The following SLC22A24 variants were observed in gnomAD, a reference collection of about 807,000 sequenced individuals.
The protein encoded by SLC22A24 is solute carrier family 22 member 24, also known as steroid transmembrane transporter SLC22A24.
Under a neutral mutation model 49.8 loss-of-function variants are expected in SLC22A24, and 53 were observed. The ratio of observed to expected loss-of-function variants is 1.06; its 90% CI spans 0.85 to 1.34. The LOEUF (loss-of-function observed/expected upper bound fraction) is 1.34, where lower values mean the gene tolerates loss of function less well. Ranked by LOEUF, SLC22A24 falls within the 40% of genes most tolerant of loss-of-function variation. SLC22A24 has a pLI of 0.00. For missense variants in SLC22A24, 786 were observed against 675.9 expected (o/e 1.16, Z -1.81); for synonymous variants, 302 against 256.4 (o/e 1.18, Z -1.70).
intron 2 of SLC22A24, among the ~76,000 whole-genome samples, chr11:63,127,821 T>C (rs936980264): frequency 1.5e-4 from 23 of 151,976 alleles, no homozygotes; most frequent in African/African-American, 5.3e-4. Context: ...TTTTTGATTT[T>C]TTTTTGTAAA....
intron 2 of SLC22A24, among the ~76,000 whole-genome samples, chr11:63,122,892 T>C (rs1342654931): frequency 1.3e-5 from 2 of 152,186 alleles, no homozygotes; most frequent in South Asian, 2.1e-4. Flanking sequence ...TCAATACTTA[T>C]AATGTACAGT....
At chr11:63,117,769 G>A (rs1438117146) in intron 4 of SLC22A24, among the ~76,000 whole-genome samples, 1 of 152,092 alleles carries the variant, frequency 6.6e-6, no homozygotes, top group African/African-American at 2.4e-5. Flanking sequence ...CAGAATATGT[G>A]TTAATAACTG....
chr11:63,119,100 T>C lies in SLC22A24; in HGVS notation c.662-20A>G. The C allele has an allele frequency of 6.5e-7, 1 of 1,533,448 alleles. No homozygotes were observed. The highest frequency in any genetic ancestry group is 8.8e-7 in the Non-Finnish European group (1 of 1,137,192). 95.0% of individuals were successfully genotyped at this position (1,533,448 alleles called of 1,614,324 possible). On this transcript the variant is annotated intron_variant, in intron 3 of 9. Transcript: ENST00000612278. Reference sequence around the variant, plus strand: ...CTAAGCCTGGAAGAAAACATATACATAGTAATAATTTTAGACAAATGGTAA... The same window carrying C: ...CTAAGCCTGGAAGAAAACATATACACAGTAATAATTTTAGACAAATGGTAA...
intron 4 of SLC22A24, among the ~76,000 whole-genome samples, chr11:63,110,963 C>T (rs985615600): frequency 2.0e-5 from 3 of 151,964 alleles, no homozygotes; most frequent in African/African-American, 7.2e-5. Flanking sequence ...TTTGCCCACT[C>T]AGTATGATAT....
At chr11:63,087,216 G>T (rs1012492759) in intron 6 of SLC22A24, among the ~76,000 whole-genome samples, 1 of 152,110 alleles carries the variant, frequency 6.6e-6, no homozygotes, top group African/African-American at 2.4e-5. Flanking sequence ...GGTGATCTCC[G>T]CATTTTCAAC....
chr11:63,095,958 T>C (rs1157902348), intron 6 of SLC22A24, 33 bp downstream of exon 6: 1 of 1,434,622 alleles, frequency 7.0e-7, no homozygotes, highest in Non-Finnish European at 9.6e-7. Context: ...GTCTCCAATA[T>C]TTTAAAGTGA....
chr11:63,093,952 A>G (rs2087036095), intron 6 of SLC22A24, among the ~76,000 whole-genome samples: 1 of 149,914 alleles, frequency 6.7e-6, no homozygotes, highest in Non-Finnish European at 1.5e-5. Flanking sequence ...TTGGCAAAAT[A>G]TGGAACAACC....
At chr11:63,117,247 TGTA>T (rs1241991476) in intron 4 of SLC22A24, among the ~76,000 whole-genome samples, 2 of 152,226 alleles carry the variant, frequency 1.3e-5, no homozygotes, top group Non-Finnish European at 2.9e-5. Flanking sequence ...TGCTCCCTGT[TGTA>T]GTGATTGTTT....
intron 6 of SLC22A24, among the ~76,000 whole-genome samples, chr11:63,085,405 T>G (rs575657940): frequency 7.2e-5 from 11 of 152,182 alleles, no homozygotes; most frequent in Non-Finnish European, 1.5e-5. Flanking sequence ...TTTTAAATTA[T>G]AGTTACAAGT....
chr11:63,136,665 T>A (rs2839987), intron 1 of SLC22A24, among the ~76,000 whole-genome samples: 1 of 152,080 alleles, frequency 6.6e-6, no homozygotes, highest in Admixed American at 6.5e-5. Context: ...TTGATGAATA[T>A]GCTCTGTCTA....
chr11:63,103,400 A>C (rs1347748620), intron 5 of SLC22A24, among the ~76,000 whole-genome samples: 1 of 152,150 alleles, frequency 6.6e-6, no homozygotes, highest in Non-Finnish European at 1.5e-5. Flanking sequence ...CCTATTCTAT[A>C]TTATAATGAT....
At chr11:63,099,341 CTG>C (rs1374503989) in intron 5 of SLC22A24, among the ~76,000 whole-genome samples, 2 of 136,230 alleles carry the variant, frequency 1.5e-5, no homozygotes, top group African/African-American at 5.5e-5. Context: ...GGACCACAGT[CTG>C]TACCACCACA....
intron 2 of SLC22A24, among the ~76,000 whole-genome samples, chr11:63,125,299 C>CA (rs1565336981): frequency 2.6e-5 from 4 of 152,050 alleles, no homozygotes; most frequent in Non-Finnish European, 5.9e-5. Flanking sequence ...TAATGCTACT[C>CA]CTCCCCTAGC....
rs1451996984 is a variant in SLC22A24 at position 63,083,465 on chromosome 11, G to A, written c.1071-8C>T. 6.5e-7 allele frequency: 1 copy of A among 1,543,140 alleles called. No homozygotes were observed. The highest frequency in any genetic ancestry group is 8.8e-7 in the Non-Finnish European group (1 of 1,139,998). Reference sequence around the variant, plus strand: ...GGTACAGTGATTGCGAATCTGAAGTGAATAAAAAGGACAAAGACATATTCA... The same window carrying A: ...GGTACAGTGATTGCGAATCTGAAGTAAATAAAAAGGACAAAGACATATTCA... On this transcript the variant is annotated splice_polypyrimidine_tract_variant and splice_region_variant and intron_variant, in intron 6 of 9. Coordinates refer to ENST00000612278, the MANE Select transcript of SLC22A24 (RefSeq NM_001136506.2).
intron 1 of SLC22A24, among the ~76,000 whole-genome samples, chr11:63,136,953 T>A (rs916968774): frequency 1.4e-4 from 21 of 152,218 alleles, no homozygotes; most frequent in African/African-American, 5.1e-4. Context: ...AGAGGGTGTC[T>A]GTCTGTAGCC....
intron 4 of SLC22A24, chr11:63,118,409 A>G (rs1473625377): frequency 6.2e-6 from 1 of 160,132 alleles, no homozygotes; most frequent in Admixed American, 6.4e-5. Context: ...ACTTTTTGCT[A>G]GTTTTGTGTT....
At chr11:63,134,524 G>A in intron 2 of SLC22A24, 141 bp downstream of exon 2, 2 of 564,364 alleles carry the variant, frequency 3.5e-6, no homozygotes, top group South Asian at 2.4e-5. Context: ...TTAATCAGCT[G>A]TAGCTTCCTG....
intron 6 of SLC22A24, among the ~76,000 whole-genome samples, chr11:63,089,963 C>A (rs894931284): frequency 6.6e-6 from 1 of 150,782 alleles, no homozygotes; most frequent in African/African-American, 2.4e-5. Context: ...CGCCTGTCGT[C>A]CCAGCTACTC....
intron 4 of SLC22A24, among the ~76,000 whole-genome samples, chr11:63,117,558 T>C (rs1289502147): frequency 6.6e-6 from 1 of 152,172 alleles, no homozygotes; most frequent in African/African-American, 2.4e-5. Context: ...ACCCCTGAGA[T>C]GGCAAGACCA....
Sources: gnomAD v4.1 joint callset for allele counts (sites outside exome capture counted in the v4.1 genomes callset) on GRCh38, gnomAD v4.1.1 for gene constraint, MANE v1.5 for transcripts, NCBI Gene and HGNC (gene_info 2026-07-23, HGNC 2026-07-21) for gene names.